Variants in NCOA1 observed in about 807,000 individuals in gnomAD.
NCOA1 encodes Hin-2 protein.
Under a neutral mutation model 150.9 loss-of-function variants are expected in NCOA1, and 35 were observed. The ratio of observed to expected loss-of-function variants is 0.23; its 90% CI spans 0.18 to 0.31. The LOEUF is 0.31. Among genes scored for constraint, NCOA1 ranks in the 10% least tolerant of loss-of-function variants. The pLI, the probability that NCOA1 is intolerant of heterozygous loss-of-function variation, is 1.00. For missense variants in NCOA1, 1,491 were observed against 1,749.3 expected, an observed-to-expected ratio of 0.85 and a Z score of 2.63; for synonymous variants, 590 against 630.0, an observed-to-expected ratio of 0.94 and a Z score of 0.95.
At chr2:24,612,341 T>C (rs1323683237) in intron 3 of NCOA1, among the ~76,000 whole-genome samples, 1 of 152,248 alleles carries the variant, frequency 6.6e-6, no homozygotes, top group Non-Finnish European at 1.5e-5. Flanking sequence ...AGCTTTGACC[T>C]TGAATCGTTT....
chr2:24,516,278 C>T (rs1461625465), intron 1 of NCOA1, among the ~76,000 whole-genome samples: 3 of 149,656 alleles, frequency 2.0e-5, no homozygotes, highest in South Asian at 2.1e-4. Context: ...CTGCAAGCTC[C>T]GCCTCCCAGG....
Position 24,711,067 on chromosome 2 carries a change from C to A in NCOA1, c.2555C>A (p.Ala852Asp), listed in dbSNP as rs1428127336. Residue 852 changes from alanine (A) to aspartate (D), a missense_variant, in exon 14 of 23, where the codon GCT (alanine) becomes GAT (aspartate). This residue lies in a region of NCOA1 where 703 missense variants were observed against 717.7 expected (regional missense o/e 0.98). Transcript: ENST00000348332. The stretch of plus-strand genomic sequence containing the variant: ...ACCATCAAATCGGAGATCCTGCCAG[C>A]TTCACTTCAGTCCGCCACTGCCAGA... Reference protein sequence around the residue: ...SVTIKSEILPASLQSATARPT... With the variant: ...SVTIKSEILPDSLQSATARPT... 1 of 1,614,158 alleles carries A rather than the reference C, an allele frequency of 6.2e-7. No individual in the cohort carries two copies.
chr2:24,747,258 C>T (rs921738569), intron 19 of NCOA1, among the ~76,000 whole-genome samples: 1 of 151,690 alleles, frequency 6.6e-6, no homozygotes, highest in Non-Finnish European at 1.5e-5. Flanking sequence ...TACTGTTGAC[C>T]CCACAAAGTA....
chr2:24,734,013 C>T (rs1344514338), intron 17 of NCOA1, among the ~76,000 whole-genome samples: 8 of 151,764 alleles, frequency 5.3e-5, no homozygotes, highest in South Asian at 4.2e-4. Flanking sequence ...GGTGAAGCCC[C>T]GTCTCTACTA....
intron 3 of NCOA1, among the ~76,000 whole-genome samples, chr2:24,623,699 G>A (rs897651275): frequency 5.3e-5 from 8 of 152,164 alleles, no homozygotes; most frequent in African/African-American, 1.7e-4. Flanking sequence ...TCAAGATACC[G>A]TCAGGGTTGG....
Position 24,608,246 on chromosome 2 carries a change from CTATTATTATTATTAT to C in NCOA1, c.-175+23724_-175+23738del, listed in dbSNP as rs202179395. ...CCCATATACTCCTCACCCAGTTCCC[CTATTATTATTATTAT>C]TATTATTATTATTATTATTATTATT... On this transcript the variant is annotated intron_variant, in intron 3 of 22. Transcript: ENST00000348332. 4.1e-3 allele frequency among the ~76,000 whole-genome samples: 545 copies of C among 131,858 alleles called. 1 individual carries two copies. The highest frequency in any genetic ancestry group is 0.02 in the South Asian group (77 of 3,890). The allele number at this position is 131,858 out of a possible 152,430, so 86.5% of individuals were successfully genotyped here.
chr2:24,757,835 A>G (rs1252977636), intron 20 of NCOA1, 138 bp from the exon 21 acceptor site: 1 of 718,830 alleles, frequency 1.4e-6, no homozygotes, highest in African/African-American at 1.8e-5. Flanking sequence ...AATTATATTA[A>G]TTTTTATATA....
intron 14 of NCOA1, among the ~76,000 whole-genome samples, chr2:24,716,135 C>T (rs1381264370): frequency 8.5e-6 from 1 of 117,946 alleles, no homozygotes; most frequent in East Asian, 2.6e-4. Context: ...CAGAGTGAGA[C>T]TCCGTCTCAA....
At chr2:24,701,208 T>C (rs564631171) in intron 11 of NCOA1, among the ~76,000 whole-genome samples, 1 of 152,136 alleles carries the variant, frequency 6.6e-6, no homozygotes, top group East Asian at 1.9e-4. Context: ...CATATTGTTA[T>C]ATTAAAAAGT....
intron 1 of NCOA1, among the ~76,000 whole-genome samples, chr2:24,495,658 G>T (rs1320961021): frequency 1.3e-5 from 2 of 152,168 alleles, no homozygotes; most frequent in Non-Finnish European, 2.9e-5. Flanking sequence ...AGTTTTTCCA[G>T]AGTGATGCTT....
Position 24,659,184 on chromosome 2 carries a change from C to T in NCOA1, c.89+418C>T, listed in dbSNP as rs559707671. 6.9e-5 allele frequency: 12 copies of T among 174,676 alleles called. No homozygotes were observed. In the South Asian group the frequency reaches 1.5e-3, roughly 22 times the overall value. The allele number at this position is 174,676 out of a possible 1,614,324, so 10.8% of individuals were successfully genotyped here. On this transcript the variant is annotated intron_variant, in intron 5 of 22. Coordinates refer to ENST00000348332, the MANE Select transcript of NCOA1 (RefSeq NM_003743.5). ...TCTAAGCTGCCACTTGGTAAAGGAC[C>T]TTGTTTGTTCTTGCTCATCATTGTA...
chr2:24,503,769 T>G (rs979237417), intron 1 of NCOA1, among the ~76,000 whole-genome samples: 1 of 149,916 alleles, frequency 6.7e-6, no homozygotes, highest in African/African-American at 2.5e-5. Flanking sequence ...AGAGTCTTGC[T>G]CTGTCGTCCA....
chr2:24,524,916 A>G (rs1259438399), intron 1 of NCOA1, among the ~76,000 whole-genome samples: 2 of 152,140 alleles, frequency 1.3e-5, no homozygotes, highest in Non-Finnish European at 1.5e-5. Flanking sequence ...AGCCTACTTC[A>G]TATTTTTTGA....
chr2:24,626,095 GA>G (rs1433083604), intron 3 of NCOA1, among the ~76,000 whole-genome samples: 1 of 152,160 alleles, frequency 6.6e-6, no homozygotes, highest in Non-Finnish European at 1.5e-5. Flanking sequence ...AATGGTGAGA[GA>G]GGGGCATTAA....
At chr2:24,631,487 G>A (rs185739617) in intron 3 of NCOA1, among the ~76,000 whole-genome samples, 6 of 152,144 alleles carry the variant, frequency 3.9e-5, no homozygotes, top group East Asian at 1.9e-4. Context: ...TCAGTATACC[G>A]GGGTGAGAGA....
intron 1 of NCOA1, among the ~76,000 whole-genome samples, chr2:24,559,172 C>T (rs1054749411): frequency 6.6e-6 from 1 of 152,126 alleles, no homozygotes; most frequent in African/African-American, 2.4e-5. Flanking sequence ...GTTTCCATCT[C>T]TCTGCTAAAA....
chr2:24,566,738 C>T (rs1006455281), intron 2 of NCOA1, among the ~76,000 whole-genome samples: 7 of 152,340 alleles, frequency 4.6e-5, no homozygotes, highest in Admixed American at 6.5e-5. Context: ...AGGCCAGCAT[C>T]GAGTCTCTCC....
chr2:24,684,511 ATC>A (rs1377259257), intron 8 of NCOA1, among the ~76,000 whole-genome samples: 1 of 152,326 alleles, frequency 6.6e-6, no homozygotes, highest in East Asian at 1.9e-4. Flanking sequence ...AGGGAGTGTC[ATC>A]TACTAGCTTA....
chr2:24,766,230 A>G (rs2148707392), intron 22 of NCOA1, among the ~76,000 whole-genome samples: 1 of 152,332 alleles, frequency 6.6e-6, no homozygotes, highest in East Asian at 1.9e-4. Flanking sequence ...TTTATTTTTA[A>G]AGAAGCAGAA....
Sources: allele counts gnomAD v4.1 joint callset (sites outside exome capture counted in the v4.1 genomes callset), GRCh38; gene constraint gnomAD v4.1.1; regional missense constraint gnomAD v4.1.1; transcripts MANE v1.5; gene names NCBI Gene and HGNC (gene_info 2026-07-23, HGNC 2026-07-21).